The following NCOA6 variants were observed in gnomAD, a reference collection of about 807,000 sequenced individuals.
NCOA6 encodes the protein NRC RAP250.
Under a neutral mutation model 171.4 loss-of-function variants are expected in NCOA6, and 49 were observed. The ratio of observed to expected loss-of-function variants is 0.29; its 90% CI spans 0.23 to 0.36. The LOEUF is 0.36. Ranked by LOEUF, NCOA6 falls within the 10% of genes least tolerant of loss-of-function variation. The pLI is 1.00. For synonymous variants in NCOA6, 910 were observed against 927.5 expected, an observed-to-expected ratio of 0.98 and a Z score of 0.34; for missense variants, 2,248 against 2,554.5, an observed-to-expected ratio of 0.88 and a Z score of 2.59.
At chr20:34,809,836 C>T (rs762913858) in intron 1 of NCOA6, among the ~76,000 whole-genome samples, 10 of 152,100 alleles carry the variant, frequency 6.6e-5, no homozygotes, top group South Asian at 2.1e-4. Flanking sequence ...GGCATGGTGG[C>T]GCACTCCTGT....
At chr20:34,744,051 T>A (rs895386167) in intron 10 of NCOA6, among the ~76,000 whole-genome samples, 2 of 152,234 alleles carry the variant, frequency 1.3e-5, no homozygotes, top group Non-Finnish European at 2.9e-5. Context: ...TAGGAGCTAA[T>A]GGAAGCTGAT....
chr20:34,732,591 C>T lies in NCOA6; in HGVS notation c.5967G>A (p.Leu1989=), dbSNP rs775972389. The T allele has an allele frequency of 2.5e-6, 4 of 1,613,214 alleles. No individual in the cohort carries two copies. The highest frequency in any genetic ancestry group is 1.7e-6 in the Non-Finnish European group (2 of 1,179,588). ...ALQASVARPE[L]EVNAAIVSGQ... is the part of the protein sequence containing the mutation. Reference sequence around the variant, plus strand: ...CAGAGACTATGGCAGCATTTACCTCCAGCTCTGCAAAAAAATATAAAGGAT... The same window carrying T: ...CAGAGACTATGGCAGCATTTACCTCTAGCTCTGCAAAAAAATATAAAGGAT... Residue 1989 remains leucine (L), a synonymous_variant, in exon 13 of 15, where the codon CTG becomes CTA. Coordinates refer to ENST00000359003, the MANE Select transcript of NCOA6 (RefSeq NM_014071.5).
At chr20:34,821,613 A>T (rs1339615330) in intron 1 of NCOA6, 3 of 145,626 alleles carry the variant, frequency 2.1e-5, no homozygotes, top group African/African-American at 7.7e-5. Context: ...TTTGAGACGG[A>T]GTCACGCTCT....
rs1374305555 is a variant in NCOA6 at position 34,736,778 on chromosome 20, A to G, written c.5894-20T>C. The G allele has an allele frequency of 1.3e-6, 2 of 1,591,668 alleles. No individual in the cohort carries two copies. The highest frequency in any genetic ancestry group is 2.3e-5 in the South Asian group (2 of 87,938). ...ACGGGGCTAAGGCAAGGAAAAAAAA[A>G]TTACAGACCTTTTACTTTCTTTTCT... On this transcript the variant is annotated intron_variant, in intron 11 of 14. Transcript: ENST00000359003.
rs776704429 is a variant in NCOA6 at position 34,740,390 on chromosome 20, A to C, written c.5866T>G (p.Ser1956Ala). The C allele has an allele frequency of 6.2e-7, 1 of 1,614,124 alleles. No homozygotes were observed. The highest frequency in any genetic ancestry group is 1.1e-5 in the South Asian group (1 of 91,078). The change falls in exon 11 of 15, where the codon TCC (serine) becomes GCC (alanine). Residue 1956 changes from serine (S) to alanine (A), a missense_variant. Physicochemically the swap from Ser to Ala is moderately conservative, Grantham distance 99 (BLOSUM62 1). Around this residue, in one of 7 missense-constraint regions of NCOA6, gnomAD observed 884 missense variants for 941.9 expected, o/e 0.94. Coordinates refer to ENST00000359003, the MANE Select transcript of NCOA6 (RefSeq NM_014071.5). ...ATGCTGGGTAGAAGTTCTGGATGGG[A>C]TCCCACCTTCTCCTCCACTAGGCCA... is the stretch of plus-strand genomic sequence containing the variant. ...AGGLVEEKVG[S>A]HPELLPSIAP...
intron 1 of NCOA6, among the ~76,000 whole-genome samples, chr20:34,795,946 T>G (rs2078052621): frequency 6.6e-6 from 1 of 152,222 alleles, no homozygotes; most frequent in East Asian, 1.9e-4. Context: ...ATGTTAACAC[T>G]TGTTTAAACT....
rs1046926534 is a variant in NCOA6 at position 34,742,372 on chromosome 20, G to C, written c.3884C>G (p.Ser1295Cys). ...QAPSNLTMNP[S>C]NFATPQTHKL... ...GTGAGTTTGTGGGGTAGCAAAATTG[G>C]AAGGATTCATGGTAAGATTTGAAGG... The change falls in exon 11 of 15, where the codon TCC (serine) becomes TGC (cysteine). Residue 1295 changes from serine to cysteine, a missense_variant. Coordinates refer to ENST00000359003, the MANE Select transcript of NCOA6 (RefSeq NM_014071.5). 1.5e-5 allele frequency: 24 copies of C among 1,614,088 alleles called. No individual in the cohort carries two copies. Among genetic ancestry groups the C allele is most frequent in the Admixed American group, 6.7e-5 (4 of 60,000 alleles).
At chr20:34,739,118 C>T (rs1324618707) in intron 11 of NCOA6, among the ~76,000 whole-genome samples, 4 of 152,162 alleles carry the variant, frequency 2.6e-5, no homozygotes, top group Admixed American at 2.0e-4. Context: ...GACACCTATG[C>T]TTCCATCATT....
At chr20:34,723,384 T>C (rs968886905) in intron 14 of NCOA6, among the ~76,000 whole-genome samples, 2 of 152,296 alleles carry the variant, frequency 1.3e-5, no homozygotes, top group South Asian at 2.1e-4. Flanking sequence ...TGTGAGAGTA[T>C]AGCAGGAGAA....
chr20:34,797,379 A>C (rs1231388134), intron 1 of NCOA6, among the ~76,000 whole-genome samples: 1 of 152,156 alleles, frequency 6.6e-6, no homozygotes, highest in Non-Finnish European at 1.5e-5. Context: ...GCCAGAAGGG[A>C]ACCCACTGCC....
At chr20:34,783,994 T>C (rs1402986593) in intron 2 of NCOA6, among the ~76,000 whole-genome samples, 1 of 152,092 alleles carries the variant, frequency 6.6e-6, no homozygotes, top group Non-Finnish European at 1.5e-5. Context: ...TATTAAAGTA[T>C]TACGAATTAT....
At position 34,719,896 on chromosome 20, in the gene NCOA6, TATCTAC is replaced by T. The variant is rs1479931576; in HGVS notation, c.6149-4537_6149-4532del. Among the ~76,000 whole-genome samples, 5 of 152,240 alleles carry T rather than the reference TATCTAC, an allele frequency of 3.3e-5. No homozygotes were observed. In the East Asian group the frequency reaches 9.6e-4, roughly 29 times the overall value. On this transcript the variant is annotated intron_variant, in intron 14 of 14. Coordinates refer to ENST00000359003, the MANE Select transcript of NCOA6 (RefSeq NM_014071.5). ...CATTATAAATGTATGTTCACTTGCA[TATCTAC>T]AGTAATACTTCTGTTTTAATTCAGT... is the stretch of plus-strand genomic sequence containing the variant.
chr20:34,817,123 ACACACAC>A lies in NCOA6; in HGVS notation c.-164+8342_-164+8348del, dbSNP rs1568901756. Among the ~76,000 whole-genome samples the A allele has an allele frequency of 9.2e-3, 1,192 of 129,058 alleles. 62 individuals are homozygous for A. The highest frequency in any genetic ancestry group is 0.012 in the Non-Finnish European group (668 of 56,802). 84.7% of individuals were successfully genotyped at this position (129,058 alleles called of 152,430 possible). Reference sequence around the variant, plus strand: ...GGGCAACAGAGTGAGACTCCATCACACACACACACAAAAAAGCAAAAGCAAAAGCAAA... The same window carrying A: ...GGGCAACAGAGTGAGACTCCATCACAACAAAAAAGCAAAAGCAAAAGCAAA... On this transcript the variant is annotated intron_variant, in intron 1 of 14. Transcript: ENST00000359003.
chr20:34,734,811 G>A (rs578013048), intron 12 of NCOA6, among the ~76,000 whole-genome samples: 1 of 152,048 alleles, frequency 6.6e-6, no homozygotes, highest in South Asian at 2.1e-4. Context: ...TGCCACGACA[G>A]CCAGCTAATT....
chr20:34,732,506 T>C (rs1190057421), intron 13 of NCOA6, 53 bp downstream of exon 13: 1 of 1,563,274 alleles, frequency 6.4e-7, no homozygotes, highest in Non-Finnish European at 8.8e-7. Context: ...CTGATACCTT[T>C]CAAAGAGGCT....
At chr20:34,766,317 T>C (rs186901157) in intron 5 of NCOA6, among the ~76,000 whole-genome samples, 158 of 152,288 alleles carry the variant, frequency 1.0e-3, no homozygotes, top group Non-Finnish European at 1.5e-3. Flanking sequence ...TAATCAACTA[T>C]AGCACTATAA....
intron 6 of NCOA6, among the ~76,000 whole-genome samples, chr20:34,758,438 G>T (rs1003323148): frequency 6.6e-6 from 1 of 152,112 alleles, no homozygotes; most frequent in Non-Finnish European, 1.5e-5. Context: ...ACTTAGATGC[G>T]TTTCTTCACT....
At position 34,776,353 on chromosome 20, in the gene NCOA6, G is replaced by A; in HGVS notation, c.331C>T (p.Leu111Phe). Residue 111 changes from leucine to phenylalanine, a missense_variant, in exon 4 of 15, where the codon CTT (leucine) becomes TTT (phenylalanine). Transcript: ENST00000359003. ...PREAAERLRI[L>F]AQSNNQQLRD... ...AGCTGCTGGTTGTTGCTCTGAGCAA[G>A]GATCCGTAGCCGCTCCGCTGCTTCC... The A allele has an allele frequency of 6.2e-7, 1 of 1,614,116 alleles. No individual in the cohort carries two copies.
At chr20:34,769,348 A>G (rs2077070844) in intron 4 of NCOA6, among the ~76,000 whole-genome samples, 1 of 150,612 alleles carries the variant, frequency 6.6e-6, no homozygotes, top group Non-Finnish European at 1.5e-5. Context: ...GCACATCACT[A>G]TGTCCGGCTA....
Sources: allele counts gnomAD v4.1 joint callset (sites outside exome capture counted in the v4.1 genomes callset), GRCh38; gene constraint gnomAD v4.1.1; regional missense constraint gnomAD v4.1.1; transcripts MANE v1.5; gene names NCBI Gene and HGNC (gene_info 2026-07-23, HGNC 2026-07-21).